The following CFAP299 variants were observed in gnomAD, a reference collection of about 807,000 sequenced individuals.
CFAP299 encodes cilia and flagella associated protein 299, also known as cilia- and flagella-associated protein 299.
In CFAP299, 21 loss-of-function variants were observed where a neutral mutation model predicts 27.0. The observed-to-expected ratio is 0.78, with a 90% CI of 0.55 to 1.12. The LOEUF (loss-of-function observed/expected upper bound fraction) is 1.12, where lower values mean the gene tolerates loss of function less well. CFAP299 is among the 50% of genes most tolerant of loss of function. The probability of loss-of-function intolerance (pLI) is 0.00; values close to 1 mark genes in which losing one functional copy is unlikely to be tolerated. For missense variants in CFAP299, 310 were observed against 276.6 expected (o/e 1.12, Z -0.86); for synonymous variants, 104 against 98.1 (o/e 1.06, Z -0.36).
chr4:80,470,689 A>T (rs1729950773), intron 2 of CFAP299, among the ~76,000 whole-genome samples: 1 of 152,160 alleles, frequency 6.6e-6, no homozygotes, highest in African/African-American at 2.4e-5. Flanking sequence ...ATGACATACT[A>T]TTCATGAAAT....
chr4:80,889,878 T>C (rs1170824469), intron 4 of CFAP299, among the ~76,000 whole-genome samples: 2 of 152,090 alleles, frequency 1.3e-5, no homozygotes, highest in African/African-American at 4.8e-5. Context: ...AAAAAACATA[T>C]AGTCATTTCA....
intron 2 of CFAP299, among the ~76,000 whole-genome samples, chr4:80,568,645 G>T (rs1311271704): frequency 1.3e-5 from 2 of 152,054 alleles, no homozygotes; most frequent in African/African-American, 4.8e-5. Context: ...AGTCTTTACT[G>T]CAGACTACGT....
At chr4:80,458,654 C>T (rs1729288369) in intron 2 of CFAP299, among the ~76,000 whole-genome samples, 1 of 152,052 alleles carries the variant, frequency 6.6e-6, no homozygotes. Flanking sequence ...TGGAAAGTCC[C>T]AAAAGTAACT....
At position 80,432,053 on chromosome 4, in the gene CFAP299, A is replaced by G. The variant is rs115872722; in HGVS notation, c.242+69169A>G. Among the ~76,000 whole-genome samples, 882 of 152,382 alleles carry G rather than the reference A, an allele frequency of 5.8e-3. 8 individuals carry two copies. Among genetic ancestry groups the G allele is most frequent in the African/African-American group, 0.02 (835 of 41,588 alleles). Reference sequence around the variant, plus strand: ...ACAGTAAGTATTTTTTGAATAAGTTAATGTAATAATCTCACTTATAGATAG... The same window carrying G: ...ACAGTAAGTATTTTTTGAATAAGTTGATGTAATAATCTCACTTATAGATAG... On this transcript the variant is annotated intron_variant, in intron 2 of 5. Transcript: ENST00000358105.
At chr4:80,749,291 C>T (rs945251484) in intron 3 of CFAP299, among the ~76,000 whole-genome samples, 1 of 152,036 alleles carries the variant, frequency 6.6e-6, no homozygotes, top group African/African-American at 2.4e-5. Flanking sequence ...GCTGTTCCAG[C>T]TCCTTGACTT....
rs566537752 is a variant in CFAP299 at position 80,437,305 on chromosome 4, A to T, written c.242+74421A>T. On this transcript the variant is annotated intron_variant, in intron 2 of 5. Coordinates refer to ENST00000358105, the MANE Select transcript of CFAP299 (RefSeq NM_152770.3). The stretch of plus-strand genomic sequence containing the variant: ...CATTTATCTCTCTAGAACTGGAAAA[A>T]GTCTGAGATTTTACCTACTTGCCCA... Among the ~76,000 whole-genome samples, 3 of 152,246 alleles carry T rather than the reference A, an allele frequency of 2.0e-5. No individual in the cohort carries two copies. The South Asian group carries it at 6.2e-4, about 32-fold the overall frequency.
rs184591375 is a variant in CFAP299 at position 80,400,975 on chromosome 4, A to G, written c.242+38091A>G. 2.6e-5 allele frequency among the ~76,000 whole-genome samples: 4 copies of G among 152,340 alleles called. No individual in the cohort carries two copies. The East Asian group carries it at 7.7e-4, about 29-fold the overall frequency. On this transcript the variant is annotated intron_variant, in intron 2 of 5. Coordinates refer to ENST00000358105, the MANE Select transcript of CFAP299 (RefSeq NM_152770.3). ...AGTAAAATGACTGTTGCTATGTTTC[A>G]TCAAAGAGACTGGTGGCATTTTGCC...
intron 2 of CFAP299, among the ~76,000 whole-genome samples, chr4:80,530,095 C>T (rs564301912): frequency 6.3e-4 from 96 of 152,204 alleles, no homozygotes; most frequent in African/African-American, 2.1e-3. Flanking sequence ...CAAAGCTGGT[C>T]ACACATTCGT....
chr4:80,798,196 C>A (rs1319775189), intron 3 of CFAP299, among the ~76,000 whole-genome samples: 2 of 152,188 alleles, frequency 1.3e-5, no homozygotes, highest in Non-Finnish European at 2.9e-5. Flanking sequence ...GGTCTAGAAG[C>A]AAACAGGGGT....
intron 3 of CFAP299, among the ~76,000 whole-genome samples, chr4:80,818,055 A>T (rs1295819756): frequency 6.6e-6 from 1 of 151,834 alleles, no homozygotes; most frequent in Non-Finnish European, 1.5e-5. Flanking sequence ...CCATGTGTCC[A>T]TGTGTTCTTA....
At chr4:80,526,246 A>G (rs1466889931) in intron 2 of CFAP299, among the ~76,000 whole-genome samples, 3 of 152,154 alleles carry the variant, frequency 2.0e-5, no homozygotes, top group Non-Finnish European at 4.4e-5. Context: ...TAAGAAGTAA[A>G]GAAAATATAT....
chr4:80,945,666 A>C (rs1578258889), intron 5 of CFAP299, among the ~76,000 whole-genome samples: 1 of 152,284 alleles, frequency 6.6e-6, no homozygotes, highest in African/African-American at 2.4e-5. Flanking sequence ...TCAGTCTAAA[A>C]TCCAAAAGCA....
intron 4 of CFAP299, among the ~76,000 whole-genome samples, chr4:80,899,659 G>T (rs1475567532): frequency 6.6e-6 from 1 of 152,192 alleles, no homozygotes; most frequent in East Asian, 1.9e-4. Flanking sequence ...GAATAAAAGA[G>T]AATGTAGAAG....
At chr4:80,740,782 G>A (rs1446286809) in intron 3 of CFAP299, among the ~76,000 whole-genome samples, 1 of 152,118 alleles carries the variant, frequency 6.6e-6, no homozygotes, top group Non-Finnish European at 1.5e-5. Flanking sequence ...CTTTCCAAAG[G>A]GTGGCCTTTC....
intron 2 of CFAP299, chr4:80,387,922 C>A (rs768417742): frequency 2.2e-5 from 19 of 858,416 alleles, no homozygotes; most frequent in Non-Finnish European, 3.8e-5. Context: ...GGTCATGGGG[C>A]AGCAGGGTTT....
At chr4:80,580,299 G>A (rs1736097939) in intron 2 of CFAP299, among the ~76,000 whole-genome samples, 1 of 151,994 alleles carries the variant, frequency 6.6e-6, no homozygotes, top group Non-Finnish European at 1.5e-5. Context: ...TGGGAGGTGG[G>A]AGTTCTAAGT....
chr4:80,494,214 C>T (rs1225585371), intron 2 of CFAP299, among the ~76,000 whole-genome samples: 1 of 152,140 alleles, frequency 6.6e-6, no homozygotes, highest in African/African-American at 2.4e-5. Flanking sequence ...ACATATCTCA[C>T]ATTTAACATA....
chr4:80,422,800 A>G (rs1174625403), intron 2 of CFAP299, among the ~76,000 whole-genome samples: 3 of 152,176 alleles, frequency 2.0e-5, no homozygotes, highest in Non-Finnish European at 4.4e-5. Context: ...CTTTACATTA[A>G]AACCTATAGT....
intron 2 of CFAP299, among the ~76,000 whole-genome samples, chr4:80,416,435 G>T (rs1052595621): frequency 4.6e-5 from 7 of 152,110 alleles, no homozygotes; most frequent in Admixed American, 3.9e-4. Context: ...AGCTGAAAAT[G>T]CATTAAAAGC....
Sources: gnomAD v4.1 joint callset for allele counts (sites outside exome capture counted in the v4.1 genomes callset) on GRCh38, gnomAD v4.1.1 for gene constraint, MANE v1.5 for transcripts, NCBI Gene and HGNC (gene_info 2026-07-23, HGNC 2026-07-21) for gene names.